SMU1: variants seen among roughly 807,000 people sequenced by gnomAD.
The protein encoded by SMU1 is WD40 repeat-containing protein SMU1.
SMU1 carries 2 observed loss-of-function variants against 62.0 expected under a neutral mutation model. The observed-to-expected ratio is 0.03, with a 90% confidence interval of 0.01 to 0.10. The LOEUF is 0.10. Among genes scored for constraint, SMU1 ranks in the 10% least tolerant of loss-of-function variants. SMU1 has a pLI of 1.00. For missense variants in SMU1, 227 were observed against 622.1 expected, an observed-to-expected ratio of 0.36 and a Z score of 6.76; for synonymous variants, 188 against 212.4, an observed-to-expected ratio of 0.89 and a Z score of 1.00.
intron 5 of SMU1, 69 bp downstream of exon 5, chr9:33,061,980 G>A: frequency 6.5e-7 from 1 of 1,540,274 alleles, no homozygotes; most frequent in South Asian, 1.2e-5. Flanking sequence ...CCTGGCACAG[G>A]GCCTGGCTGA....
At chr9:33,062,297 C>T in intron 4 of SMU1, 120 bp from the exon 5 acceptor site, 7 of 1,328,928 alleles carry the variant, frequency 5.3e-6, no homozygotes, top group Non-Finnish European at 7.0e-6. Context: ...CATCTAAACC[C>T]CAACTATTTT....
At chr9:33,059,327 T>C (rs1231900788) in intron 6 of SMU1, among the ~76,000 whole-genome samples, 1 of 152,144 alleles carries the variant, frequency 6.6e-6, no homozygotes, top group East Asian at 1.9e-4. Context: ...TAATCCTGGC[T>C]GGCCCAAGGA....
chr9:33,050,442 A>G (rs1429937960), intron 10 of SMU1, among the ~76,000 whole-genome samples: 1 of 151,990 alleles, frequency 6.6e-6, no homozygotes, highest in African/African-American at 2.4e-5. Flanking sequence ...TGTTTATAGC[A>G]GCTTTACTCA....
chr9:33,070,532 G>C (rs985489795), intron 3 of SMU1, among the ~76,000 whole-genome samples: 6 of 152,114 alleles, frequency 3.9e-5, no homozygotes, highest in Non-Finnish European at 7.4e-5. Context: ...CCACTGCTAG[G>C]TACACACCCA....
chr9:33,072,109 G>A (rs558156731), intron 2 of SMU1, among the ~76,000 whole-genome samples: 6 of 141,822 alleles, frequency 4.2e-5, no homozygotes, highest in Admixed American at 1.3e-4. Flanking sequence ...CAAGATGGGC[G>A]GATCACTTGA....
chr9:33,044,196 C>T lies in SMU1; in HGVS notation c.*3097G>A, dbSNP rs907954078. ...TCTGGTGGCTGCAGCAGAGCACTTC[C>T]CTAGGAACCGACTGCACACGCCCAA... On this transcript the variant is annotated 3_prime_UTR_variant, in exon 12 of 12. Transcript: ENST00000397149. The T allele has an allele frequency of 6.6e-6, 1 of 152,292 alleles. No homozygotes were observed. Among genetic ancestry groups the T allele is most frequent in the Non-Finnish European group, 1.5e-5 (1 of 68,026 alleles). The allele number at this position is 152,292 out of a possible 1,614,324, so 9.4% of individuals were successfully genotyped here. A position where few individuals can be genotyped will look rare whatever the true frequency, so the allele number is the denominator to read the frequency against.
intron 4 of SMU1, among the ~76,000 whole-genome samples, chr9:33,063,496 A>G (rs1054892891): frequency 2.3e-4 from 35 of 152,202 alleles, no homozygotes; most frequent in African/African-American, 6.3e-4. Context: ...AGAAAACTCA[A>G]TAATTTTTGG....
At position 33,060,591 on chromosome 9, in the gene SMU1, C is replaced by G; in HGVS notation, c.631-7G>C. The G allele has an allele frequency of 6.2e-7, 1 of 1,604,210 alleles. No homozygotes were observed. On this transcript the variant is annotated splice_polypyrimidine_tract_variant and splice_region_variant and intron_variant, in intron 5 of 11. Coordinates refer to ENST00000397149, the MANE Select transcript of SMU1 (RefSeq NM_018225.3). ...CATGTGATTTCTGACCAAACTGTTT[C>G]AAATGAAACAATGAAACAGATGCAT...
chr9:33,073,760 G>C lies in SMU1; in HGVS notation c.73C>G (p.Arg25Gly). ...MQYLKENSLH[R>G]ALATLQEETT... ...TCCTCCTGCAAGGTGGCTAACGCCC[G>C]ATGTAAACTGTTCTCCTTCAAGTAC... Residue 25 changes from arginine (R) to glycine (G), a missense_variant, in exon 2 of 12, where the codon CGG (arginine) becomes GGG (glycine). Arg to Gly is a moderately radical substitution (Grantham distance 125, BLOSUM62 -2). Transcript: ENST00000397149. 2 of 1,614,172 alleles carry C rather than the reference G, an allele frequency of 1.2e-6. No homozygotes were observed. Among genetic ancestry groups the C allele is most frequent in the Non-Finnish European group, 8.5e-7 (1 of 1,180,018 alleles).
At position 33,073,800 on chromosome 9, in the gene SMU1, G is replaced by C; in HGVS notation, c.33C>G (p.Ile11Met). The part of the protein sequence containing the change: MSIEIESSDV[I>M]RLIMQYLKEN... ...CCTTCAAGTACTGCATAATAAGGCG[G>C]ATCACACTGAAAGAAAACAAATCGT... is the stretch of plus-strand genomic sequence containing the variant. Residue 11 changes from isoleucine to methionine, a missense_variant, in exon 2 of 12, where the codon ATC becomes ATG. By Grantham distance (10) the Ile-to-Met change is conservative. Around this residue, in one of 5 missense-constraint regions of SMU1, gnomAD observed 99 missense variants for 270.3 expected, o/e 0.37. Transcript: ENST00000397149. The C allele has an allele frequency of 6.2e-7, 1 of 1,613,834 alleles. No individual in the cohort carries two copies. The highest frequency in any genetic ancestry group is 8.5e-7 in the Non-Finnish European group (1 of 1,179,832).
intron 10 of SMU1, among the ~76,000 whole-genome samples, chr9:33,052,455 T>C (rs1475289233): frequency 2.6e-5 from 4 of 152,222 alleles, no homozygotes; most frequent in African/African-American, 9.6e-5. Context: ...ATCTCAGCTA[T>C]GGATTCTCAA....
rs548054329 is a variant in SMU1, at chr9:33,067,564, T to C, written c.501+1260A>G. Reference sequence around the variant, plus strand: ...CCCAGGCTGGAGTGCAATGGCTCAATCTCGGCTCACTGCAACCTCTGCCTC... The same window carrying C: ...CCCAGGCTGGAGTGCAATGGCTCAACCTCGGCTCACTGCAACCTCTGCCTC... On this transcript the variant is annotated intron_variant, in intron 4 of 11. Transcript: ENST00000397149. Among the ~76,000 whole-genome samples, 28 of 150,088 alleles carry C rather than the reference T, an allele frequency of 1.9e-4. No homozygotes were observed. The East Asian group carries it at 5.4e-3, about 29-fold the overall frequency.
Position 33,043,634 on chromosome 9 carries a change from T to C in SMU1, c.*3659A>G, listed in dbSNP as rs1021116942. On this transcript the variant is annotated 3_prime_UTR_variant, in exon 12 of 12. Coordinates refer to ENST00000397149, the MANE Select transcript of SMU1 (RefSeq NM_018225.3). ...TGCTTAGGTGAATGTGTTTGCAGCA[T>C]GTGGAGGAACAATCCATGTATTCTT... The C allele has an allele frequency of 3.9e-5, 6 of 152,204 alleles. No homozygotes were observed. The highest frequency in any genetic ancestry group is 1.4e-4 in the African/African-American group (6 of 41,432). The allele number at this position is 152,204 out of a possible 1,614,324, so 9.4% of individuals were successfully genotyped here.
At position 33,048,128 on chromosome 9, in the gene SMU1, C is replaced by G; in HGVS notation, c.1421G>C (p.Gly474Ala). Residue 474 changes from glycine to alanine, a missense_variant, in exon 11 of 12, where the codon GGC becomes GCC. By Grantham distance (60) the Gly-to-Ala change is moderately conservative (BLOSUM62 0). Around this residue, in one of 5 missense-constraint regions of SMU1, gnomAD observed 25 missense variants for 116.2 expected, o/e 0.22. Transcript: ENST00000397149. ...FVLYCFSTVT[G>A]KLERTLTVHE... ...CACTGTCAAAGTTCTCTCCAGTTTG[C>G]CAGTGACTGTACTGAAACAGTAGAG... The G allele has an allele frequency of 6.2e-7, 1 of 1,613,956 alleles. No individual in the cohort carries two copies. The highest frequency in any genetic ancestry group is 8.5e-7 in the Non-Finnish European group (1 of 1,179,918).
rs201031557 is a variant in SMU1 at position 33,074,302 on chromosome 9, AT to A, written c.27-497del. On this transcript the variant is annotated intron_variant, in intron 1 of 11. Transcript: ENST00000397149. ...CAGCTGTGAGACCCCATCTCTACAA[AT>A]TTTTTTTTAAATTAGCCAAACATGG... Among the ~76,000 whole-genome samples, 370 of 151,702 alleles carry A rather than the reference AT, an allele frequency of 2.4e-3. 15 individuals carry two copies. The East Asian group carries it at 0.045, about 18-fold the overall frequency.
chr9:33,053,294 C>T lies in SMU1; in HGVS notation c.1123-4G>A. 6.2e-7 allele frequency: 1 copy of T among 1,610,842 alleles called. No homozygotes were observed. Among genetic ancestry groups the T allele is most frequent in the Non-Finnish European group, 8.5e-7 (1 of 1,179,522 alleles). On this transcript the variant is annotated splice_region_variant and splice_polypyrimidine_tract_variant and intron_variant, in intron 9 of 11. Transcript: ENST00000397149. ...CTGTGGTCTTCATATTCCAGATCTACCACACAGAAATTTAAGTTATAAACC... is the reference window on the plus strand; with the variant it reads ...CTGTGGTCTTCATATTCCAGATCTATCACACAGAAATTTAAGTTATAAACC...
chr9:33,069,337 A>G (rs1839461187), intron 3 of SMU1, among the ~76,000 whole-genome samples: 1 of 152,264 alleles, frequency 6.6e-6, no homozygotes, highest in African/African-American at 2.4e-5. Flanking sequence ...CTCCCAGCAC[A>G]GAAGTGCTTC....
intron 8 of SMU1, among the ~76,000 whole-genome samples, chr9:33,056,585 T>C (rs1839306534): frequency 6.6e-6 from 1 of 152,186 alleles, no homozygotes; most frequent in Non-Finnish European, 1.5e-5. Flanking sequence ...GGTAGGTCCA[T>C]AAGACCATAC....
At position 33,071,901 on chromosome 9, in the gene SMU1, T is replaced by G. The variant is rs888771362; in HGVS notation, c.238-9A>C. 1 of 1,508,832 alleles carries G rather than the reference T, an allele frequency of 6.6e-7. No homozygotes were observed. Among genetic ancestry groups the G allele is most frequent in the African/African-American group, 1.4e-5 (1 of 69,134 alleles). 93.5% of individuals were successfully genotyped at this position (1,508,832 alleles called of 1,614,324 possible). A position where few individuals can be genotyped will look rare whatever the true frequency, so the allele number is the denominator to read the frequency against. On this transcript the variant is annotated splice_polypyrimidine_tract_variant and intron_variant, in intron 2 of 11. Coordinates refer to ENST00000397149, the MANE Select transcript of SMU1 (RefSeq NM_018225.3). ...ATCAATTCCAGAACAACCTGGACAA[T>G]TAAAAAAAAACAAAAAAAACCCCAG...
Sources: gnomAD v4.1 joint callset for allele counts (sites outside exome capture counted in the v4.1 genomes callset) on GRCh38, gnomAD v4.1.1 for gene constraint, gnomAD v4.1.1 regional missense constraint, MANE v1.5 for transcripts, NCBI Gene and HGNC (gene_info 2026-07-23, HGNC 2026-07-21) for gene names.